The following GPI variants were observed in gnomAD, a reference collection of about 807,000 sequenced individuals.
The protein encoded by GPI is D-hexose-6-phosphate anomerase.
A neutral mutation model predicts 75.8 loss-of-function variants in GPI; 56 were observed. The observed-to-expected ratio is 0.74, with a 90% CI of 0.60 to 0.92. GPI has a LOEUF of 0.92. Among genes scored for constraint, GPI ranks in the 40% least tolerant of loss-of-function variants. GPI has a pLI of 0.00. For synonymous variants in GPI, 288 were observed against 285.4 expected (o/e 1.01, Z -0.09); for missense variants, 638 against 741.0 (o/e 0.86, Z 1.61).
chr19:34,385,548 T>G (rs532268566), intron 9 of GPI, among the ~76,000 whole-genome samples: 5 of 152,166 alleles, frequency 3.3e-5, no homozygotes, highest in African/African-American at 1.2e-4. Flanking sequence ...AACACAGGTG[T>G]GTAGAACAGG....
chr19:34,379,924 C>G (rs2074616596), intron 8 of GPI: 1 of 361,534 alleles, frequency 2.8e-6, no homozygotes, highest in South Asian at 3.1e-5. Context: ...CCATTTTTCA[C>G]TTAAGGACAT....
chr19:34,394,035 A>G lies in GPI; in HGVS notation c.1031A>G (p.Tyr344Cys). ...CACGCCATGCTGCCCTATGACCAGT[A>G]CCTGCACCGCTTTGCTGCGTACTTC... ...ETHAMLPYDQ[Y>C]LHRFAAYFQQ... is the part of the protein sequence containing the mutation. The change falls in exon 12 of 18, where the codon TAC becomes TGC. Residue 344 changes from tyrosine (Y) to cysteine (C), a missense_variant. Tyr to Cys is a radical substitution (Grantham distance 194). Coordinates refer to ENST00000356487, the MANE Select transcript of GPI (RefSeq NM_000175.5). 1.9e-6 allele frequency: 3 copies of G among 1,613,004 alleles called. No homozygotes were observed. The African/African-American group carries it at 4.0e-5, about 22-fold the overall frequency.
intron 4 of GPI, among the ~76,000 whole-genome samples, chr19:34,375,678 C>T (rs74571478): frequency 0.01 from 1,545 of 152,304 alleles, 14 homozygotes; most frequent in Non-Finnish European, 0.015. Flanking sequence ...TTCGCTGCCG[C>T]GTGGGCTTCT....
chr19:34,399,543 G>C lies in GPI; in HGVS notation c.1399-13G>C, dbSNP rs2074991513. On this transcript the variant is annotated splice_polypyrimidine_tract_variant and intron_variant, in intron 15 of 17. Coordinates refer to ENST00000356487, the MANE Select transcript of GPI (RefSeq NM_000175.5). ...AGGACTCTCTTGGAGACATTCCTTG[G>C]TGTTTTCTGCAGGTCTTTGAAGGAA... is the stretch of plus-strand genomic sequence containing the variant. The C allele has an allele frequency of 1.2e-6, 2 of 1,613,246 alleles. No individual in the cohort carries two copies. The highest frequency in any genetic ancestry group is 1.3e-5 in the African/African-American group (1 of 74,896).
chr19:34,392,901 T>C, intron 9 of GPI: 1 of 342,400 alleles, frequency 2.9e-6, no homozygotes, highest in African/African-American at 2.9e-5. Flanking sequence ...AGGTGGGCCC[T>C]GGCGCAGGTA....
intron 12 of GPI, among the ~76,000 whole-genome samples, chr19:34,395,588 C>T (rs2074932037): frequency 6.6e-6 from 1 of 152,150 alleles, no homozygotes; most frequent in African/African-American, 2.4e-5. Context: ...GCCTGCTCTC[C>T]CTTAAGAAAT....
upstream of GPI, among the ~76,000 whole-genome samples, chr19:34,361,899 G>A (rs11880555): frequency 4.6e-5 from 7 of 151,760 alleles, no homozygotes; most frequent in Admixed American, 6.6e-5. Flanking sequence ...GACGGATCAC[G>A]AGGTCAGGAG....
intron 12 of GPI, among the ~76,000 whole-genome samples, chr19:34,396,082 G>A (rs2074940298): frequency 6.6e-6 from 1 of 151,996 alleles, no homozygotes; most frequent in African/African-American, 2.4e-5. Context: ...GGGATTACAG[G>A]CATGCGCCAT....
Position 34,396,667 on chromosome 19 carries a change from C to T in GPI, c.1269+10C>T. 6.2e-7 allele frequency: 1 copy of T among 1,607,870 alleles called. No individual in the cohort carries two copies. Among genetic ancestry groups the T allele is most frequent in the Non-Finnish European group, 8.5e-7 (1 of 1,174,808 alleles). On this transcript the variant is annotated intron_variant, in intron 14 of 17. Transcript: ENST00000356487. ...GGGTCTGCATCACAAGGTAAGAGCC[C>T]CCATCTGGCCCCATCTGGGGGGTCT...
intron 9 of GPI, among the ~76,000 whole-genome samples, chr19:34,388,294 C>T (rs1038904623): frequency 6.6e-5 from 10 of 152,040 alleles, no homozygotes; most frequent in African/African-American, 2.2e-4. Context: ...CTGGTCAACA[C>T]GGTGAAACCC....
intron 3 of GPI, chr19:34,367,144 TAATATATCCTCAATGC>T: frequency 1.9e-6 from 1 of 533,788 alleles, no homozygotes; most frequent in Non-Finnish European, 3.5e-6. Flanking sequence ...AAGTTAACTC[TAATATATCCTCAATGC>T]AAGTTTTAGT....
At chr19:34,379,833 T>G in intron 8 of GPI, 1 of 588,808 alleles carries the variant, frequency 1.7e-6, no homozygotes, top group South Asian at 1.9e-5. Flanking sequence ...CACAGAACCC[T>G]TCATACACAT....
At chr19:34,395,652 G>C (rs1328258640) in intron 12 of GPI, among the ~76,000 whole-genome samples, 2 of 152,178 alleles carry the variant, frequency 1.3e-5, no homozygotes, top group Non-Finnish European at 2.9e-5. Context: ...CTGACCTCCA[G>C]ACCCACCTTT....
At position 34,365,359 on chromosome 19, in the gene GPI, T is replaced by A. The variant is rs763277247; in HGVS notation, c.93T>A (p.Asp31Glu). ...RSELNLRRLF[D>E]ANKDRFNHFS... ...AGCTGAACCTGCGCCGCCTCTTCGA[T>A]GCCAACAAGGACCGCTTCAACCACT... is the stretch of plus-strand genomic sequence containing the variant. Residue 31 changes from aspartate (D) to glutamate (E), a missense_variant, in exon 1 of 18, where the codon GAT becomes GAA. Physicochemically the swap from Asp to Glu is conservative, Grantham distance 45. Coordinates refer to ENST00000356487, the MANE Select transcript of GPI (RefSeq NM_000175.5). 75 of 1,590,496 alleles carry A rather than the reference T, an allele frequency of 4.7e-5. No individual in the cohort carries two copies. The highest frequency in any genetic ancestry group is 2.6e-4 in the Admixed American group (15 of 58,450).
chr19:34,388,526 A>G (rs1293268423), intron 9 of GPI, among the ~76,000 whole-genome samples: 4 of 152,220 alleles, frequency 2.6e-5, no homozygotes, highest in South Asian at 4.1e-4. Context: ...TGATGGTTAG[A>G]TAAGGTGAGA....
chr19:34,393,304 C>T lies in GPI; in HGVS notation c.861C>T (p.His287=), dbSNP rs371025511. Residue 287 remains histidine, a synonymous_variant, in exon 10 of 18, where the codon CAC becomes CAT. Transcript: ENST00000356487. This position sits in a 1 kb window ranked among gnomAD's most constrained non-coding sequence, Gnocchi z 4.4. ...WSAIGLSIAL[H]VGFDNFEQLL... ...CCATCGGACTCTCCATTGCCCTGCACGTGGGTGAGTGTGTTTCTGTGTCTT... is the reference window on the plus strand; with the variant it reads ...CCATCGGACTCTCCATTGCCCTGCATGTGGGTGAGTGTGTTTCTGTGTCTT... The T allele has an allele frequency of 1.9e-5, 30 of 1,611,110 alleles. No individual in the cohort carries two copies. Among genetic ancestry groups the T allele is most frequent in the East Asian group, 6.7e-5 (3 of 44,882 alleles).
At chr19:34,366,030 G>C in intron 1 of GPI, 1 of 598,692 alleles carries the variant, frequency 1.7e-6, no homozygotes. Context: ...CCTGTCATCT[G>C]GATGGGTGCC....
intron 9 of GPI, among the ~76,000 whole-genome samples, chr19:34,382,579 T>C (rs1003513099): frequency 2.6e-5 from 4 of 152,118 alleles, no homozygotes; most frequent in African/African-American, 4.8e-5. Flanking sequence ...CGGCTTCTAA[T>C]AAATGTTGCA....
intron 1 of GPI, 93 bp from the exon 2 acceptor site, chr19:34,366,252 A>AG (rs770470049): frequency 4.7e-6 from 4 of 853,884 alleles, no homozygotes; most frequent in Admixed American, 1.7e-5. Context: ...TGGGTCAGGG[A>AG]GGATGTTTCT....
Sources: allele counts gnomAD v4.1 joint callset (sites outside exome capture counted in the v4.1 genomes callset), GRCh38; gene constraint gnomAD v4.1.1; non-coding constraint Gnocchi (gnomAD v3.1); transcripts MANE v1.5; gene names NCBI Gene and HGNC (gene_info 2026-07-23, HGNC 2026-07-21).